STRN: variants seen among roughly 807,000 people sequenced by gnomAD.
STRN encodes the protein protein phosphatase 2 regulatory subunit B'''alpha.
A neutral mutation model predicts 96.3 loss-of-function variants in STRN; 53 were observed. The observed-to-expected ratio is 0.55, with a 90% CI of 0.44 to 0.69. The LOEUF (loss-of-function observed/expected upper bound fraction) is 0.69, where lower values mean the gene tolerates loss of function less well. STRN is among the 30% of genes least tolerant of loss of function. The pLI is 0.00. For synonymous variants in STRN, 428 were observed against 355.9 expected (o/e 1.20, Z -2.28); for missense variants, 987 against 963.9 (o/e 1.02, Z -0.32).
chr2:36,874,431 T>C (rs569441401), intron 10 of STRN, among the ~76,000 whole-genome samples: 19 of 151,924 alleles, frequency 1.3e-4, no homozygotes, highest in African/African-American at 4.6e-4. Context: ...ATAACACACA[T>C]ATAACTATGT....
At chr2:36,945,370 T>C (rs1215840207) in intron 1 of STRN, among the ~76,000 whole-genome samples, 1 of 152,262 alleles carries the variant, frequency 6.6e-6, no homozygotes, top group African/African-American at 2.4e-5. Flanking sequence ...AATGACTTTA[T>C]ATTTAAGAAT....
chr2:36,861,776 C>G (rs1558625691), intron 12 of STRN, among the ~76,000 whole-genome samples: 1 of 151,368 alleles, frequency 6.6e-6, no homozygotes, highest in Non-Finnish European at 1.5e-5. Context: ...TCTCACAAAA[C>G]TTTTTAACTT....
chr2:36,867,238 C>T (rs555764295), intron 12 of STRN, among the ~76,000 whole-genome samples: 1 of 152,170 alleles, frequency 6.6e-6, no homozygotes, highest in South Asian at 2.1e-4. Flanking sequence ...CTTTGGGAGG[C>T]TGAGGTGGGT....
At chr2:36,933,930 C>A (rs563118203) in intron 1 of STRN, among the ~76,000 whole-genome samples, 2 of 151,924 alleles carry the variant, frequency 1.3e-5, no homozygotes, top group Non-Finnish European at 2.9e-5. Context: ...GCCAACACGG[C>A]GAAACCCTGT....
At chr2:36,886,623 G>A in intron 8 of STRN, 93 bp downstream of exon 8, 2 of 961,910 alleles carry the variant, frequency 2.1e-6, no homozygotes, top group Non-Finnish European at 3.1e-6. Context: ...AAATGAAAAA[G>A]AGTAAGTAGA....
intron 7 of STRN, among the ~76,000 whole-genome samples, chr2:36,888,368 C>A (rs1172439829): frequency 6.6e-6 from 1 of 152,152 alleles, no homozygotes; most frequent in Non-Finnish European, 1.5e-5. Context: ...CATGGCTCCC[C>A]ATCTCACCAC....
rs538510021 is a variant in STRN, at chr2:36,874,732, A to C, written c.1323+3159T>G. Reference sequence around the variant, plus strand: ...TGTTTAGAGTTAAAAAAAAAAAAAAAAAAAAAAACACCTCTGCCAACTAGA... The same window carrying C: ...TGTTTAGAGTTAAAAAAAAAAAAAACAAAAAAAACACCTCTGCCAACTAGA... On this transcript the variant is annotated intron_variant, in intron 10 of 17. Transcript: ENST00000263918. Among the ~76,000 whole-genome samples the C allele has an allele frequency of 8.6e-5, 13 of 150,654 alleles. No homozygotes were observed. In the East Asian group the frequency reaches 1.4e-3, roughly 16 times the overall value.
intron 1 of STRN, among the ~76,000 whole-genome samples, chr2:36,927,804 G>A (rs546662898): frequency 2.4e-4 from 37 of 152,290 alleles, no homozygotes; most frequent in African/African-American, 8.7e-4. Context: ...TCACTTTATA[G>A]AGGACAACTG....
intron 1 of STRN, among the ~76,000 whole-genome samples, chr2:36,965,687 T>C (rs1311200608): frequency 1.3e-5 from 2 of 151,886 alleles, no homozygotes; most frequent in Admixed American, 6.6e-5. Context: ...TTTACATATA[T>C]AAAAAAAGGG....
intron 15 of STRN, among the ~76,000 whole-genome samples, chr2:36,853,994 T>C (rs1190574507): frequency 6.6e-6 from 1 of 152,184 alleles, no homozygotes; most frequent in Non-Finnish European, 1.5e-5. Context: ...AAGTAAAAAG[T>C]CCTATTAATT....
chr2:36,909,626 T>C (rs1669914180), intron 3 of STRN, among the ~76,000 whole-genome samples: 1 of 151,504 alleles, frequency 6.6e-6, no homozygotes. Flanking sequence ...TTTGAAGAAA[T>C]AATGGCTGAA....
chr2:36,901,887 T>G (rs983865689), intron 5 of STRN, among the ~76,000 whole-genome samples: 2 of 152,190 alleles, frequency 1.3e-5, no homozygotes, highest in African/African-American at 4.8e-5. Context: ...AGAGTTCAAT[T>G]AAAACCATTC....
At chr2:36,872,271 C>T (rs973833502) in intron 10 of STRN, among the ~76,000 whole-genome samples, 2 of 152,200 alleles carry the variant, frequency 1.3e-5, no homozygotes, top group Non-Finnish European at 2.9e-5. Flanking sequence ...TGGGGGGAGC[C>T]AGCTGCCATG....
intron 1 of STRN, among the ~76,000 whole-genome samples, chr2:36,953,204 T>C (rs887183733): frequency 2.0e-5 from 3 of 152,260 alleles, no homozygotes; most frequent in African/African-American, 2.4e-5. Flanking sequence ...CCCAACCTTA[T>C]TCAATACTTC....
chr2:36,873,586 T>C (rs1668821602), intron 10 of STRN, among the ~76,000 whole-genome samples: 1 of 151,996 alleles, frequency 6.6e-6, no homozygotes, highest in Admixed American at 6.6e-5. Flanking sequence ...ATAATAATGT[T>C]GATTGTGTTC....
chr2:36,842,459 G>A lies in STRN; in HGVS notation c.*6997C>T, dbSNP rs571992229. The A allele has an allele frequency of 2.4e-4, 37 of 152,246 alleles. No individual in the cohort carries two copies. The highest frequency in any genetic ancestry group is 7.9e-4 in the African/African-American group (33 of 41,534). 9.4% of individuals were successfully genotyped at this position (152,246 alleles called of 1,614,324 possible). A position where few individuals can be genotyped will look rare whatever the true frequency, so the allele number is the denominator to read the frequency against. ...CATCACTGGGTTAATTACCTAAAGA[G>A]GGACACAGAAAAAGTCAATGTGGAG... On this transcript the variant is annotated 3_prime_UTR_variant, in exon 18 of 18. Transcript: ENST00000263918.
Position 36,875,709 on chromosome 2 carries a change from T to A in STRN, c.1323+2182A>T, listed in dbSNP as rs1349899678. ...TCTCGCTCTATCGCCCGCGCTGGAG[T>A]GCGGTGGCGCAATCTCGGCTCACTG... is the stretch of plus-strand genomic sequence containing the variant. On this transcript the variant is annotated intron_variant, in intron 10 of 17. Transcript: ENST00000263918. Among the ~76,000 whole-genome samples the A allele has an allele frequency of 2.7e-5, 4 of 148,086 alleles. 1 individual carries two copies. In the South Asian group the frequency reaches 8.5e-4, roughly 31 times the overall value.
At chr2:36,939,226 C>T (rs982621534) in intron 1 of STRN, among the ~76,000 whole-genome samples, 2 of 152,076 alleles carry the variant, frequency 1.3e-5, no homozygotes, top group South Asian at 4.2e-4. Flanking sequence ...CCGCCGCGCC[C>T]AGCCTGTTTT....
rs1668135396 is a variant in STRN, at chr2:36,848,426, T to C, written c.*1030A>G. The C allele has an allele frequency of 6.6e-6, 1 of 152,168 alleles. No individual in the cohort carries two copies. The highest frequency in any genetic ancestry group is 2.1e-4 in the South Asian group (1 of 4,838). The allele number at this position is 152,168 out of a possible 1,614,324, so 9.4% of individuals were successfully genotyped here. A position where few individuals can be genotyped will look rare whatever the true frequency, so the allele number is the denominator to read the frequency against. ...GCTATTAATAATTATGAACTGTTCT[T>C]GGTAGATGTCAGATAACTTGAACGT... On this transcript the variant is annotated 3_prime_UTR_variant, in exon 18 of 18. Coordinates refer to ENST00000263918, the MANE Select transcript of STRN (RefSeq NM_003162.4).
Sources: gnomAD v4.1 joint callset for allele counts (sites outside exome capture counted in the v4.1 genomes callset) on GRCh38, gnomAD v4.1.1 for gene constraint, MANE v1.5 for transcripts, NCBI Gene and HGNC (gene_info 2026-07-23, HGNC 2026-07-21) for gene names.